The following FLYWCH1 variants were observed in gnomAD, a reference collection of about 807,000 sequenced individuals.
The protein encoded by FLYWCH1 is FLYWCH-type zinc finger-containing protein 1.
A neutral mutation model predicts 66.4 loss-of-function variants in FLYWCH1; 75 were observed. The ratio of observed to expected loss-of-function variants is 1.13; its 90% CI spans 0.94 to 1.37. FLYWCH1 has a LOEUF of 1.37. Ranked by LOEUF, FLYWCH1 falls within the 40% of genes most tolerant of loss-of-function variation. FLYWCH1 has a pLI of 0.00. For synonymous variants in FLYWCH1, 595 were observed against 429.9 expected (o/e 1.38, Z -4.75); for missense variants, 1,334 against 1,001.8 (o/e 1.33, Z -4.48).
At chr16:2,929,245 C>A (rs1175715872) in intron 2 of FLYWCH1, among the ~76,000 whole-genome samples, 1 of 152,142 alleles carries the variant, frequency 6.6e-6, no homozygotes, top group Admixed American at 6.5e-5. Flanking sequence ...ATAACTGGGT[C>A]AATAAGAACG....
chr16:2,935,083 C>T (rs145704838), intron 6 of FLYWCH1: 1 of 153,392 alleles, frequency 6.5e-6, no homozygotes, highest in African/African-American at 2.4e-5. Context: ...GCCACCTCGC[C>T]CAGCTATTTT....
At chr16:2,914,531 G>C (rs2070101377) in intron 2 of FLYWCH1, among the ~76,000 whole-genome samples, 1 of 152,176 alleles carries the variant, frequency 6.6e-6, no homozygotes, top group Admixed American at 6.6e-5. Flanking sequence ...ACAGGAGAGT[G>C]ATGCACCATG....
At chr16:2,934,048 C>G (rs1469125045) in intron 6 of FLYWCH1, 69 bp downstream of exon 6, 4 of 1,436,066 alleles carry the variant, frequency 2.8e-6, no homozygotes, top group Non-Finnish European at 3.7e-6. Flanking sequence ...CTTTCCCTCT[C>G]CATGCTGCGG....
chr16:2,934,805 C>G (rs1427536909), intron 6 of FLYWCH1: 1 of 349,446 alleles, frequency 2.9e-6, no homozygotes, highest in East Asian at 8.5e-5. Flanking sequence ...CCACAAGTAA[C>G]TAAGCAATTG....
intron 2 of FLYWCH1, among the ~76,000 whole-genome samples, chr16:2,923,764 G>A (rs548711838): frequency 7.9e-5 from 12 of 152,138 alleles, no homozygotes; most frequent in South Asian, 2.1e-4. Flanking sequence ...TCGGCCCGGC[G>A]TAGTGGCTCA....
intron 8 of FLYWCH1, chr16:2,939,608 A>T (rs1205059046): frequency 6.1e-6 from 1 of 164,746 alleles, no homozygotes; most frequent in Non-Finnish European, 1.3e-5. Context: ...AGCTCCTCAG[A>T]AAAGGGGAGG....
intron 9 of FLYWCH1, among the ~76,000 whole-genome samples, chr16:2,940,424 C>G (rs1279360143): frequency 1.3e-5 from 2 of 152,184 alleles, no homozygotes; most frequent in Non-Finnish European, 2.9e-5. Flanking sequence ...CACAGCCAGG[C>G]CATAAAGCAA....
chr16:2,926,736 G>A (rs1005493181), intron 2 of FLYWCH1, among the ~76,000 whole-genome samples: 1 of 152,116 alleles, frequency 6.6e-6, no homozygotes, highest in Non-Finnish European at 1.5e-5. Context: ...ATGCAAATCC[G>A]GAATGTCAAT....
rs148986507 is a variant in FLYWCH1 at position 2,949,572 on chromosome 16, C to T, written c.*845C>T. 351 of 152,246 alleles carry T rather than the reference C, an allele frequency of 2.3e-3. 2 individuals carry two copies. The highest frequency in any genetic ancestry group is 4.3e-3 in the Non-Finnish European group (292 of 68,058). The allele number at this position is 152,246 out of a possible 1,614,324, so 9.4% of individuals were successfully genotyped here. ...GCTTCACCAGTCAGAGGGAGCAGTC[C>T]GGAGAGGCAAGATGACCCCACCGGG... On this transcript the variant is annotated 3_prime_UTR_variant, in exon 10 of 10. Coordinates refer to ENST00000253928, the MANE Select transcript of FLYWCH1 (RefSeq NM_001308068.2).
intron 2 of FLYWCH1, among the ~76,000 whole-genome samples, chr16:2,920,804 G>T (rs2070344362): frequency 6.8e-6 from 1 of 147,162 alleles, no homozygotes; most frequent in South Asian, 2.1e-4. Flanking sequence ...GCCTCCCGAA[G>T]TGCTAGGATT....
chr16:2,929,848 G>A lies in FLYWCH1; in HGVS notation c.163G>A (p.Val55Met), dbSNP rs571525573. Reference protein sequence around the residue: ...LTASDQDEDGVGSKPQEVHCV... With the variant: ...LTASDQDEDGMGSKPQEVHCV... ...AGCCTCCGACCAAGATGAGGATGGG[G>A]TGGGATCCAAGCCCCAGGAAGTGCA... Residue 55 changes from valine (V) to methionine (M), a missense_variant, in exon 3 of 10, where the codon GTG becomes ATG. Coordinates refer to ENST00000253928, the MANE Select transcript of FLYWCH1 (RefSeq NM_001308068.2). 2.0e-5 allele frequency: 33 copies of A among 1,613,986 alleles called. No individual in the cohort carries two copies. The highest frequency in any genetic ancestry group is 3.3e-4 in the Middle Eastern group (2 of 6,062).
At chr16:2,941,862 G>A (rs34075667) in intron 9 of FLYWCH1, among the ~76,000 whole-genome samples, 42,287 of 151,404 alleles carry the variant, frequency 0.28, 6,079 homozygotes, top group Non-Finnish European at 0.3. Flanking sequence ...CTCTACTAAA[G>A]ATAGAAAAAT....
intron 7 of FLYWCH1, among the ~76,000 whole-genome samples, chr16:2,937,903 C>G (rs936232678): frequency 1.3e-5 from 2 of 152,140 alleles, no homozygotes; most frequent in East Asian, 3.9e-4. Flanking sequence ...GATGCACCTG[C>G]AAGCATGAGG....
intron 2 of FLYWCH1, among the ~76,000 whole-genome samples, chr16:2,916,428 G>T (rs2070170077): frequency 6.6e-6 from 1 of 152,112 alleles, no homozygotes; most frequent in Non-Finnish European, 1.5e-5. Flanking sequence ...GAAGTCAGGA[G>T]ATAGAGACCA....
At chr16:2,936,433 C>G (rs762818313) in intron 6 of FLYWCH1, 55 of 453,834 alleles carry the variant, frequency 1.2e-4, no homozygotes, top group Non-Finnish European at 2.2e-4. Flanking sequence ...AAGGTAGTTC[C>G]ACAGCCAGAC....
intron 2 of FLYWCH1, among the ~76,000 whole-genome samples, chr16:2,919,391 G>A (rs1272727449): frequency 1.3e-5 from 2 of 151,202 alleles, no homozygotes; most frequent in East Asian, 1.9e-4. Context: ...TCAGCCTCCC[G>A]AGTAGTTGGG....
In FLYWCH1 at chr16:2,930,468, G is replaced by A. The variant is rs369497734; in HGVS notation, c.384G>A (p.Leu128=). The A allele has an allele frequency of 1.3e-4, 202 of 1,512,362 alleles. No individual in the cohort carries two copies. The African/African-American group carries it at 2.5e-3, about 19-fold the overall frequency. The allele number at this position is 1,512,362 out of a possible 1,614,324, so 93.7% of individuals were successfully genotyped here. The change falls in exon 4 of 10, where the codon CTG becomes CTA. Residue 128 remains leucine, a synonymous_variant. Coordinates refer to ENST00000253928, the MANE Select transcript of FLYWCH1 (RefSeq NM_001308068.2). ...RTPFGGRLLV[L]ESFLYKQEKA... ...CATTCGGGGGCCGCCTCCTGGTGCT[G>A]GAGTCCTTCCTGTACAAGCAGGAGA... is the stretch of plus-strand genomic sequence containing the variant.
At position 2,940,300 on chromosome 16, in the gene FLYWCH1, C is replaced by CT. The variant is rs2071207849; in HGVS notation, c.2111+209dup. 5.8e-6 allele frequency: 3 copies of CT among 519,386 alleles called. No individual in the cohort carries two copies. In the East Asian group the frequency reaches 9.8e-5, roughly 17 times the overall value. 32.2% of individuals were successfully genotyped at this position (519,386 alleles called of 1,614,324 possible). A position where few individuals can be genotyped will look rare whatever the true frequency, so the allele number is the denominator to read the frequency against. On this transcript the variant is annotated intron_variant, in intron 9 of 9. Transcript: ENST00000253928. ...CCAAGTGAGGCTGGAGGCCCTGCTCCTCACCATAGGGACCCCTCCTTGGGC... is the reference window on the plus strand; with the variant it reads ...CCAAGTGAGGCTGGAGGCCCTGCTCCTTCACCATAGGGACCCCTCCTTGGGC...
intron 9 of FLYWCH1, 114 bp from the exon 10 acceptor site, chr16:2,948,574 T>C: frequency 9.1e-7 from 1 of 1,104,014 alleles, no homozygotes; most frequent in South Asian, 1.3e-5. Context: ...AAAATAAATG[T>C]TCTAGACTGT....
Sources: gnomAD v4.1 joint callset for allele counts (sites outside exome capture counted in the v4.1 genomes callset) on GRCh38, gnomAD v4.1.1 for gene constraint, MANE v1.5 for transcripts, NCBI Gene and HGNC (gene_info 2026-07-23, HGNC 2026-07-21) for gene names.